The following IL1RL1 variants were observed in gnomAD, a reference collection of about 807,000 sequenced individuals.
IL1RL1 encodes interleukin-1 receptor-like 1.
Under a neutral mutation model 50.9 loss-of-function variants are expected in IL1RL1, and 32 were observed. The ratio of observed to expected loss-of-function variants is 0.63; its 90% confidence interval spans 0.47 to 0.84. IL1RL1 has a LOEUF of 0.84. Among genes scored for constraint, IL1RL1 ranks in the 40% least tolerant of loss-of-function variants. The pLI is 0.00. For synonymous variants in IL1RL1, 275 were observed against 236.0 expected (o/e 1.17, Z -1.51); for missense variants, 773 against 662.9 (o/e 1.17, Z -1.82).
intron 8 of IL1RL1, 93 bp downstream of exon 8, chr2:102,343,508 T>G: frequency 6.2e-7 from 1 of 1,608,920 alleles, no homozygotes. Flanking sequence ...ATCAAGACAA[T>G]GGGAATGGCC....
chr2:102,345,874 C>T, intron 8 of IL1RL1: 1 of 985,412 alleles, frequency 1.0e-6, no homozygotes, highest in Non-Finnish European at 1.2e-6. Flanking sequence ...TGCAGCCATC[C>T]ATCCAGCCTG....
intron 2 of IL1RL1, 38 bp from the exon 3 acceptor site, chr2:102,338,799 G>T: frequency 6.9e-7 from 1 of 1,442,568 alleles, no homozygotes; most frequent in South Asian, 1.2e-5. Flanking sequence ...CTTTTCATTT[G>T]ATCATTTCAG....
downstream of IL1RL1, chr2:102,352,170 C>A (rs1256807990): frequency 2.2e-6 from 1 of 456,414 alleles, no homozygotes; most frequent in Admixed American, 3.9e-5. Flanking sequence ...GCTTGCCTGT[C>A]TTCACTGTGG....
At chr2:102,319,311 C>G (rs1676768620) in intron 1 of IL1RL1, among the ~76,000 whole-genome samples, 1 of 152,152 alleles carries the variant, frequency 6.6e-6, no homozygotes, top group Non-Finnish European at 1.5e-5. Flanking sequence ...CAAACTGCCT[C>G]TGCTAGCTAG....
chr2:102,347,919 A>G lies in IL1RL1; in HGVS notation c.971-26A>G. The G allele has an allele frequency of 3.7e-6, 5 of 1,348,050 alleles. 1 individual carries two copies. Among genetic ancestry groups the G allele is most frequent in the Non-Finnish European group, 3.2e-6 (3 of 945,748 alleles). 83.5% of individuals were successfully genotyped at this position (1,348,050 alleles called of 1,614,324 possible). ...ATTATATCTTGTTTCAGTAGTAATA[A>G]TAATCTTTTTCTTTCTTTTGAATAG... On this transcript the variant is annotated intron_variant, in intron 8 of 10. Transcript: ENST00000233954.
chr2:102,332,445 G>A (rs1010757758), intron 1 of IL1RL1, among the ~76,000 whole-genome samples: 1 of 152,128 alleles, frequency 6.6e-6, no homozygotes, highest in Non-Finnish European at 1.5e-5. Flanking sequence ...AGTGTGGTAG[G>A]CACACACAGT....
chr2:102,313,240 G>A (rs1255879238), intron 1 of IL1RL1: 1 of 152,160 alleles, frequency 6.6e-6, no homozygotes. Flanking sequence ...ATGGGTGTAA[G>A]TGTTTAGTGC....
intron 1 of IL1RL1, among the ~76,000 whole-genome samples, chr2:102,316,187 A>C (rs1225589124): frequency 6.6e-6 from 1 of 152,222 alleles, no homozygotes; most frequent in Non-Finnish European, 1.5e-5. Flanking sequence ...TTAGTTAATC[A>C]TGTCTTGAGC....
Position 102,344,598 on chromosome 2 carries a change from C to T in IL1RL1, c.970+1183C>T, listed in dbSNP as rs558874355. 12 of 244,334 alleles carry T rather than the reference C, an allele frequency of 4.9e-5. No homozygotes were observed. In the East Asian group the frequency reaches 7.2e-4, roughly 15 times the overall value. 15.1% of individuals were successfully genotyped at this position (244,334 alleles called of 1,614,324 possible). ...AATCTGTTTGACAGTCTGCTCAACA[C>T]GACTGCAAGCTCCATGAGGGCAGGG... is the stretch of plus-strand genomic sequence containing the variant. On this transcript the variant is annotated intron_variant, in intron 8 of 10. Transcript: ENST00000233954.
chr2:102,339,444 G>A (rs1009724755), intron 3 of IL1RL1: 2 of 164,360 alleles, frequency 1.2e-5, no homozygotes, highest in African/African-American at 4.8e-5. Context: ...TTCAAGTTAA[G>A]CCACAGAAGG....
rs1316251829 is a variant in IL1RL1 at position 102,338,148 on chromosome 2, T to C, written c.-117T>C. ...ATAGGCTACTCTTCCCAACTCAGTC[T>C]TGAAGAGTATCACCAACTGCCTCAT... On this transcript the variant is annotated 5_prime_UTR_variant, in exon 2 of 11. Transcript: ENST00000233954. 8 of 613,728 alleles carry C rather than the reference T, an allele frequency of 1.3e-5. No individual in the cohort carries two copies. The highest frequency in any genetic ancestry group is 2.4e-5 in the Non-Finnish European group (8 of 340,296). The allele number at this position is 613,728 out of a possible 1,614,324, so 38.0% of individuals were successfully genotyped here. A position where few individuals can be genotyped will look rare whatever the true frequency, so the allele number is the denominator to read the frequency against.
At chr2:102,345,978 C>T (rs1401615215) in intron 8 of IL1RL1, 1 of 985,214 alleles carries the variant, frequency 1.0e-6, no homozygotes, top group East Asian at 1.1e-4. Context: ...CTTCGTGTTA[C>T]AGGTGTTTAA....
intron 1 of IL1RL1, among the ~76,000 whole-genome samples, chr2:102,328,475 T>C (rs574122917): frequency 1.4e-4 from 21 of 152,284 alleles, no homozygotes; most frequent in Non-Finnish European, 2.9e-4. Context: ...TCACCACTCC[T>C]ATTCAACATA....
intron 8 of IL1RL1, chr2:102,345,491 T>C (rs1419643596): frequency 4.1e-6 from 4 of 985,330 alleles, no homozygotes; most frequent in Admixed American, 1.2e-4. Context: ...CAAAGAGTGT[T>C]AAACCCTGAG....
chr2:102,321,680 T>C (rs542966186), intron 1 of IL1RL1, among the ~76,000 whole-genome samples: 1 of 152,306 alleles, frequency 6.6e-6, no homozygotes, highest in South Asian at 2.1e-4. Flanking sequence ...ACCCAATCTC[T>C]CTCTCAAACT....
rs530972048 is a variant in IL1RL1 at position 102,330,234 on chromosome 2, G to A, written c.-149-7882G>A. On this transcript the variant is annotated intron_variant, in intron 1 of 10. Coordinates refer to ENST00000233954, the MANE Select transcript of IL1RL1 (RefSeq NM_016232.5). ...AAACCATCATTCTCAGCAAACTATC[G>A]CAAGGACAAAAAACCGAACACCACA... is the stretch of plus-strand genomic sequence containing the variant. 1.3e-4 allele frequency among the ~76,000 whole-genome samples: 20 copies of A among 151,820 alleles called. 2 individuals carry two copies. In the Middle Eastern group the frequency reaches 0.014, roughly 104 times the overall value.
chr2:102,338,817 T>C lies in IL1RL1; in HGVS notation c.62-20T>C, dbSNP rs1299294320. 1.3e-6 allele frequency: 2 copies of C among 1,543,530 alleles called. No homozygotes were observed. Among genetic ancestry groups the C allele is most frequent in the Non-Finnish European group, 1.8e-6 (2 of 1,116,760 alleles). On this transcript the variant is annotated intron_variant, in intron 2 of 10. Transcript: ENST00000233954. ...TTCATTTGATCATTTCAGGATTGTC[T>C]TTATATCTTTTATTTGCAGGTAAAC...
intron 8 of IL1RL1, chr2:102,343,694 A>T: frequency 1.5e-6 from 2 of 1,348,498 alleles, no homozygotes; most frequent in Non-Finnish European, 1.9e-6. Flanking sequence ...CTTGTTTTCT[A>T]ACTTTATGAA....
chr2:102,340,275 A>G lies in IL1RL1; in HGVS notation c.447+3A>G. The G allele has an allele frequency of 6.3e-6, 10 of 1,580,632 alleles. No individual in the cohort carries two copies. Among genetic ancestry groups the G allele is most frequent in the Non-Finnish European group, 8.5e-6 (10 of 1,170,696 alleles). Reference sequence around the variant, plus strand: ...CAGCACCTCTTGAGTGGTTTAAGGTAAGAAGAAATTTGGAAGGAAATAGAT... The same window carrying G: ...CAGCACCTCTTGAGTGGTTTAAGGTGAGAAGAAATTTGGAAGGAAATAGAT... On this transcript the variant is annotated splice_donor_region_variant and intron_variant, in intron 4 of 10. Transcript: ENST00000233954.
Sources: gnomAD v4.1 joint callset for allele counts (sites outside exome capture counted in the v4.1 genomes callset) on GRCh38, gnomAD v4.1.1 for gene constraint, MANE v1.5 for transcripts, NCBI Gene and HGNC (gene_info 2026-07-23, HGNC 2026-07-21) for gene names.